The following PARD3 variants were observed in gnomAD, a reference collection of about 807,000 sequenced individuals.
PARD3 encodes par-3 family cell polarity regulator, also known as partitioning defective 3 homolog.
PARD3 carries 75 observed loss-of-function variants against 155.4 expected under a neutral mutation model. The observed-to-expected ratio is 0.48, with a 90% confidence interval of 0.40 to 0.58. The LOEUF is 0.58. Ranked by LOEUF, PARD3 falls within the 20% of genes least tolerant of loss-of-function variation. The pLI is 0.00. For missense variants in PARD3, 1,642 were observed against 1,721.7 expected (o/e 0.95, Z 0.82); for synonymous variants, 576 against 610.5 (o/e 0.94, Z 0.83).
chr10:34,697,543 A>C (rs908559423), intron 1 of PARD3, among the ~76,000 whole-genome samples: 2 of 152,180 alleles, frequency 1.3e-5, no homozygotes, highest in Non-Finnish European at 2.9e-5. Context: ...AAGCATGCCT[A>C]AGTATCACTG....
At chr10:34,639,606 C>T (rs2092602554) in intron 2 of PARD3, among the ~76,000 whole-genome samples, 1 of 152,148 alleles carries the variant, frequency 6.6e-6, no homozygotes, top group South Asian at 2.1e-4. Context: ...ACCTCTAATG[C>T]CACCACTTTG....
chr10:34,676,351 G>T (rs2093706155), intron 2 of PARD3, among the ~76,000 whole-genome samples: 1 of 152,118 alleles, frequency 6.6e-6, no homozygotes, highest in Non-Finnish European at 1.5e-5. Context: ...GATGGTTCCT[G>T]CTTGAGGGGG....
intron 22 of PARD3, among the ~76,000 whole-genome samples, chr10:34,222,475 G>A (rs769115535): frequency 5.3e-5 from 8 of 152,210 alleles, no homozygotes; most frequent in South Asian, 2.1e-4. Context: ...TTCTATGTAC[G>A]TACCTCGCTG....
At chr10:34,411,429 C>A (rs2384216) in intron 5 of PARD3, among the ~76,000 whole-genome samples, 35,914 of 152,004 alleles carry the variant, frequency 0.24, 4,958 homozygotes, top group South Asian at 0.43. Flanking sequence ...CCAGTGTCCT[C>A]CCTAATGTGG....
intron 18 of PARD3, among the ~76,000 whole-genome samples, chr10:34,333,341 G>A (rs1835818165): frequency 6.6e-6 from 1 of 152,022 alleles, no homozygotes; most frequent in Non-Finnish European, 1.5e-5. Flanking sequence ...GAAATTGAGT[G>A]TCCCTAAGCA....
chr10:34,808,398 A>G (rs4934663), intron 1 of PARD3, among the ~76,000 whole-genome samples: 53,628 of 151,916 alleles, frequency 0.35, 10,615 homozygotes, highest in African/African-American at 0.55. Context: ...TATTCACTGA[A>G]CTCGGCATTT....
At chr10:34,133,192 C>T (rs1765161) in intron 22 of PARD3, among the ~76,000 whole-genome samples, 75,250 of 151,670 alleles carry the variant, frequency 0.5, 19,915 homozygotes, top group Non-Finnish European at 0.6. Context: ...CATCTGCAGA[C>T]AGGAGAGCTA....
At position 34,570,037 on chromosome 10, in the gene PARD3, A is replaced by ATT. The variant is rs150860145; in HGVS notation, c.223-52880_223-52879dup. On this transcript the variant is annotated intron_variant, in intron 2 of 24. Transcript: ENST00000374788. ...GAGACAAATATTAGGCTCAGACAAA[A>ATT]TTTTCTCAAAATAGAAAACTTAACA... Among the ~76,000 whole-genome samples, 43 of 152,298 alleles carry ATT rather than the reference A, an allele frequency of 2.8e-4. No individual in the cohort carries two copies. The East Asian group carries it at 7.1e-3, about 25-fold the overall frequency.
At chr10:34,801,076 A>G (rs540933822) in intron 1 of PARD3, among the ~76,000 whole-genome samples, 3 of 152,226 alleles carry the variant, frequency 2.0e-5, no homozygotes, top group Non-Finnish European at 2.9e-5. Flanking sequence ...AGTATTCTGG[A>G]AAGTTTTTGA....
chr10:34,494,035 G>A (rs1040429664), intron 3 of PARD3, among the ~76,000 whole-genome samples: 3 of 152,144 alleles, frequency 2.0e-5, no homozygotes, highest in African/African-American at 4.8e-5. Context: ...AGGTTTCTGC[G>A]GTTTTCAGAG....
intron 5 of PARD3, among the ~76,000 whole-genome samples, chr10:34,432,214 G>A (rs1272191556): frequency 2.6e-5 from 4 of 151,688 alleles, no homozygotes; most frequent in Non-Finnish European, 5.9e-5. Context: ...ATAGGAAAAC[G>A]CAGAATTGAT....
At chr10:34,483,983 T>C (rs1465592215) in intron 3 of PARD3, among the ~76,000 whole-genome samples, 1 of 152,140 alleles carries the variant, frequency 6.6e-6, no homozygotes. Context: ...CCTAATAATA[T>C]ATTTTCTCCG....
intron 2 of PARD3, among the ~76,000 whole-genome samples, chr10:34,541,947 G>A (rs2083638627): frequency 6.6e-6 from 1 of 151,992 alleles, no homozygotes; most frequent in African/African-American, 2.4e-5. Context: ...CATGATCATG[G>A]CTCCCTGCAG....
intron 20 of PARD3, among the ~76,000 whole-genome samples, chr10:34,286,493 G>C (rs886736149): frequency 1.3e-5 from 2 of 152,264 alleles, no homozygotes; most frequent in African/African-American, 4.8e-5. Flanking sequence ...CTGAGCTAGA[G>C]GGAGCCAGCC....
chr10:34,176,399 G>GATTA (rs1382324675), intron 22 of PARD3, among the ~76,000 whole-genome samples: 8 of 152,220 alleles, frequency 5.3e-5, no homozygotes, highest in Admixed American at 4.6e-4. Flanking sequence ...AAGCACAGGA[G>GATTA]ATTAAAGTTG....
At position 34,275,220 on chromosome 10, in the gene PARD3, G is replaced by T. The variant is rs1214240323; in HGVS notation, c.3177-5321C>A. On this transcript the variant is annotated intron_variant, in intron 21 of 24. Transcript: ENST00000374788. ...ATAATGAAGGAATTGTATTTGTATT[G>T]CTTATCTTGTCATCACCAATAATGT... Among the ~76,000 whole-genome samples, 6 of 152,238 alleles carry T rather than the reference G, an allele frequency of 3.9e-5. No homozygotes were observed. The East Asian group carries it at 9.6e-4, about 24-fold the overall frequency.
intron 1 of PARD3, among the ~76,000 whole-genome samples, chr10:34,737,445 A>C (rs996386103): frequency 2.6e-5 from 4 of 152,138 alleles, no homozygotes; most frequent in African/African-American, 9.7e-5. Flanking sequence ...TCTGCCCAAC[A>C]CTATGGAGCC....
intron 2 of PARD3, among the ~76,000 whole-genome samples, chr10:34,542,575 G>A (rs541074105): frequency 6.6e-6 from 1 of 152,214 alleles, no homozygotes; most frequent in East Asian, 1.9e-4. Context: ...CATCCCATCT[G>A]GTGATCACTC....
chr10:34,653,605 C>T (rs977894196), intron 2 of PARD3, among the ~76,000 whole-genome samples: 1 of 152,082 alleles, frequency 6.6e-6, no homozygotes, highest in African/African-American at 2.4e-5. Flanking sequence ...CTCAGACCAA[C>T]ATCACACTTT....
Sources: allele counts gnomAD v4.1 joint callset (sites outside exome capture counted in the v4.1 genomes callset), GRCh38; gene constraint gnomAD v4.1.1; transcripts MANE v1.5; gene names NCBI Gene and HGNC (gene_info 2026-07-23, HGNC 2026-07-21).